GAREM1: variants seen among roughly 807,000 people sequenced by gnomAD.
GAREM1 encodes GRB2 associated regulator of MAPK1 subtype 1.
In GAREM1, 26 loss-of-function variants were observed where a neutral mutation model predicts 71.3. The observed-to-expected ratio is 0.36, with a 90% CI of 0.27 to 0.51. The LOEUF is 0.51. Among genes scored for constraint, GAREM1 ranks in the 20% least tolerant of loss-of-function variants. The pLI is 0.95. For synonymous variants in GAREM1, 440 were observed against 433.2 expected (o/e 1.02, Z -0.20); for missense variants, 1,026 against 1,103.1 (o/e 0.93, Z 0.99).
intron 1 of GAREM1, among the ~76,000 whole-genome samples, chr18:32,423,052 C>T (rs1056321711): frequency 3.3e-5 from 5 of 152,140 alleles, no homozygotes. Flanking sequence ...TAAACATTGA[C>T]CTAAATTGTG....
intron 2 of GAREM1, among the ~76,000 whole-genome samples, chr18:32,322,355 C>T (rs567021534): frequency 1.5e-4 from 23 of 152,148 alleles, no homozygotes; most frequent in Admixed American, 9.2e-4. Flanking sequence ...CTTCTCATCA[C>T]GCTAAAATCC....
chr18:32,375,238 T>C (rs1215673118), intron 2 of GAREM1, among the ~76,000 whole-genome samples: 1 of 152,148 alleles, frequency 6.6e-6, no homozygotes, highest in African/African-American at 2.4e-5. Context: ...TTTTTGAGGT[T>C]ATAAGGCTGG....
At chr18:32,426,500 G>A (rs1467962583) in intron 1 of GAREM1, among the ~76,000 whole-genome samples, 1 of 152,118 alleles carries the variant, frequency 6.6e-6, no homozygotes, top group Non-Finnish European at 1.5e-5. Context: ...TTCAACTTAT[G>A]CCTCACTCTA....
intron 2 of GAREM1, among the ~76,000 whole-genome samples, chr18:32,334,864 T>C (rs947751025): frequency 6.6e-6 from 1 of 152,168 alleles, no homozygotes; most frequent in African/African-American, 2.4e-5. Flanking sequence ...GTACGAGATA[T>C]GTGGGCACCC....
chr18:32,278,572 T>C (rs79749323), intron 4 of GAREM1, among the ~76,000 whole-genome samples: 6 of 152,218 alleles, frequency 3.9e-5, no homozygotes, highest in Non-Finnish European at 8.8e-5. Context: ...AGGAGTTTTG[T>C]AACCATGCTT....
chr18:32,413,363 T>C (rs1271219714), intron 1 of GAREM1: 1 of 660,556 alleles, frequency 1.5e-6, no homozygotes, highest in Admixed American at 2.9e-5. Context: ...CAAAGACTCA[T>C]ACAAATGTCA....
chr18:32,347,152 G>C (rs764643643), intron 2 of GAREM1, among the ~76,000 whole-genome samples: 60 of 152,012 alleles, frequency 3.9e-4, no homozygotes, highest in Non-Finnish European at 7.5e-4. Context: ...GATAGTTAAG[G>C]ATAAAAAAGA....
intron 1 of GAREM1, among the ~76,000 whole-genome samples, chr18:32,427,154 C>T (rs894478808): frequency 6.6e-5 from 10 of 152,104 alleles, no homozygotes; most frequent in African/African-American, 2.2e-4. Flanking sequence ...TATACATTTG[C>T]ACTGCAAATC....
At chr18:32,356,649 C>A (rs2047809170) in intron 2 of GAREM1, among the ~76,000 whole-genome samples, 1 of 152,162 alleles carries the variant, frequency 6.6e-6, no homozygotes, top group African/African-American at 2.4e-5. Context: ...ATATATCCTT[C>A]AATCTCCCCT....
chr18:32,366,839 C>T (rs1257870008), intron 2 of GAREM1, among the ~76,000 whole-genome samples: 1 of 152,184 alleles, frequency 6.6e-6, no homozygotes, highest in Admixed American at 6.5e-5. Context: ...CTGGAAAAAC[C>T]AGTGGGTGGA....
chr18:32,302,187 C>G (rs1448191867), intron 3 of GAREM1, among the ~76,000 whole-genome samples: 2 of 152,202 alleles, frequency 1.3e-5, no homozygotes, highest in East Asian at 3.9e-4. Flanking sequence ...GGTTTCTATG[C>G]TGGGCTTTGC....
chr18:32,413,116 A>G (rs1599030353), intron 1 of GAREM1: 1 of 1,534,850 alleles, frequency 6.5e-7, no homozygotes, highest in Non-Finnish European at 9.0e-7. Flanking sequence ...TCAAAGCTCA[A>G]CCCTCCAATG....
intron 1 of GAREM1, among the ~76,000 whole-genome samples, chr18:32,454,807 G>A (rs552380027): frequency 2.0e-5 from 3 of 152,054 alleles, no homozygotes; most frequent in East Asian, 1.9e-4. Flanking sequence ...TGTATTAGTC[G>A]GGGAAGCTTG....
chr18:32,305,158 G>A (rs2144508349), intron 3 of GAREM1, among the ~76,000 whole-genome samples: 1 of 152,224 alleles, frequency 6.6e-6, no homozygotes, highest in East Asian at 1.9e-4. Context: ...GAAAGAGACA[G>A]GTGACTGCTA....
chr18:32,360,503 G>A (rs1354448170), intron 2 of GAREM1, among the ~76,000 whole-genome samples: 1 of 152,038 alleles, frequency 6.6e-6, no homozygotes. Flanking sequence ...CACCTGGGAA[G>A]CCTACTGGCC....
At position 32,357,144 on chromosome 18, in the gene GAREM1, C is replaced by T. The variant is rs147593943; in HGVS notation, c.262+35751G>A. On this transcript the variant is annotated intron_variant, in intron 2 of 5. Coordinates refer to ENST00000269209, the MANE Select transcript of GAREM1 (RefSeq NM_001242409.2). ...CTGTACTTGCAATACTACCTCCTTA[C>T]TTGTTACTCAGGTTTCGGCTTACAA... Among the ~76,000 whole-genome samples the T allele has an allele frequency of 2.3e-4, 35 of 152,222 alleles. No homozygotes were observed. The East Asian group carries it at 5.8e-3, about 25-fold the overall frequency.
intron 4 of GAREM1, among the ~76,000 whole-genome samples, chr18:32,281,237 T>C (rs1307399950): frequency 6.6e-6 from 1 of 152,128 alleles, no homozygotes; most frequent in African/African-American, 2.4e-5. Flanking sequence ...CCTCTAATTA[T>C]CTATCACATA....
intron 1 of GAREM1, among the ~76,000 whole-genome samples, chr18:32,457,909 T>C (rs907755622): frequency 6.6e-6 from 1 of 152,186 alleles, no homozygotes; most frequent in Non-Finnish European, 1.5e-5. Flanking sequence ...ACTGGACTTT[T>C]AATTTCTCTT....
In GAREM1 at chr18:32,311,795, G is replaced by A. The variant is rs530886833; in HGVS notation, c.263-1472C>T. ...GGTCAGACTGTATATGCCTTTTAAG[G>A]AGTTGCACTCTTCACCTGAGTGGAA... On this transcript the variant is annotated intron_variant, in intron 2 of 5. Coordinates refer to ENST00000269209, the MANE Select transcript of GAREM1 (RefSeq NM_001242409.2). 3.9e-5 allele frequency among the ~76,000 whole-genome samples: 6 copies of A among 152,320 alleles called. No individual in the cohort carries two copies. In the South Asian group the frequency reaches 1.2e-3, roughly 32 times the overall value.
Sources: allele counts gnomAD v4.1 joint callset (sites outside exome capture counted in the v4.1 genomes callset), GRCh38; gene constraint gnomAD v4.1.1; transcripts MANE v1.5; gene names NCBI Gene and HGNC (gene_info 2026-07-23, HGNC 2026-07-21).